The following NPAS3 variants were observed in gnomAD, a reference collection of about 807,000 sequenced individuals.
NPAS3 encodes neuronal PAS domain protein 3.
In NPAS3, 14 loss-of-function variants were observed where a neutral mutation model predicts 73.1. That is an observed-to-expected ratio of 0.19 (90% confidence interval 0.13 to 0.30). The LOEUF (loss-of-function observed/expected upper bound fraction) is 0.30. NPAS3 is among the 10% of genes least tolerant of loss of function. The probability of loss-of-function intolerance (pLI) is 1.00; values close to 1 mark genes in which losing one functional copy is unlikely to be tolerated. For synonymous variants in NPAS3, 620 were observed against 541.5 expected (o/e 1.14, Z -2.01); for missense variants, 1,096 against 1,250.0 (o/e 0.88, Z 1.86).
chr14:33,308,809 T>C (rs1205055115), intron 3 of NPAS3, among the ~76,000 whole-genome samples: 2 of 152,042 alleles, frequency 1.3e-5, no homozygotes, highest in Admixed American at 1.3e-4. Context: ...TTTAAAAAAA[T>C]TTTAAATAAA....
chr14:33,406,488 G>T (rs1290447763), intron 4 of NPAS3, among the ~76,000 whole-genome samples: 3 of 152,104 alleles, frequency 2.0e-5, no homozygotes, highest in African/African-American at 4.8e-5. Flanking sequence ...GATGGCATGT[G>T]TTTTATCTGT....
intron 1 of NPAS3, among the ~76,000 whole-genome samples, chr14:33,022,118 C>A (rs2039619832): frequency 6.6e-6 from 1 of 152,150 alleles, no homozygotes. Flanking sequence ...GCATGTTGAA[C>A]CATGTCAGAG....
chr14:33,299,791 G>A (rs957922969), intron 3 of NPAS3, among the ~76,000 whole-genome samples: 23 of 151,990 alleles, frequency 1.5e-4, no homozygotes, highest in African/African-American at 5.1e-4. Flanking sequence ...TAACATTAAG[G>A]TTTAGAAAAA....
chr14:33,361,638 A>C lies in NPAS3; in HGVS notation c.386-5548A>C, dbSNP rs77080478. Among the ~76,000 whole-genome samples, 533 of 152,334 alleles carry C rather than the reference A, an allele frequency of 3.5e-3. 6 individuals carry two copies. Among genetic ancestry groups the C allele is most frequent in the African/African-American group, 0.012 (513 of 41,588 alleles). ...TATTTAAATATGTATTGCATCAAAA[A>C]ATTTTGGATCATCGTTAAGACTTCT... is the stretch of plus-strand genomic sequence containing the variant. On this transcript the variant is annotated intron_variant, in intron 3 of 11. Transcript: ENST00000356141.
intron 2 of NPAS3, among the ~76,000 whole-genome samples, chr14:33,088,657 T>C (rs2042116733): frequency 6.6e-6 from 1 of 152,150 alleles, no homozygotes; most frequent in Non-Finnish European, 1.5e-5. Flanking sequence ...TGTCCCTGTG[T>C]GACAGCTTTG....
chr14:33,793,828 TA>T (rs36025922), intron 9 of NPAS3, 68 bp from the exon 10 acceptor site: 71,768 of 1,293,276 alleles, frequency 0.055, 6 homozygotes, highest in East Asian at 0.066. Flanking sequence ...TTTGCAGAGA[TA>T]AAAAAAAAAA....
At chr14:33,679,194 G>A (rs1318723055) in intron 6 of NPAS3, among the ~76,000 whole-genome samples, 1 of 152,188 alleles carries the variant, frequency 6.6e-6, no homozygotes, top group African/African-American at 2.4e-5. Context: ...CTTCCTTGAT[G>A]GTGAATGTGA....
Position 33,017,803 on chromosome 14 carries a change from A to C in NPAS3, c.51-38102A>C, listed in dbSNP as rs964759053. ...ACTAAGTGTTTTATATGTGAAAAAAACTAAGCCTTAGAGAGATTAAATAGC... is the reference window on the plus strand; with the variant it reads ...ACTAAGTGTTTTATATGTGAAAAAACCTAAGCCTTAGAGAGATTAAATAGC... On this transcript the variant is annotated intron_variant, in intron 1 of 11. Transcript: ENST00000356141. Among the ~76,000 whole-genome samples the C allele has an allele frequency of 3.1e-3, 478 of 152,324 alleles. 1 individual carries two copies. The highest frequency in any genetic ancestry group is 5.3e-3 in the Non-Finnish European group (358 of 68,020).
chr14:33,133,455 T>C (rs1013253158), intron 2 of NPAS3, among the ~76,000 whole-genome samples: 6 of 152,318 alleles, frequency 3.9e-5, no homozygotes, highest in Non-Finnish European at 8.8e-5. Flanking sequence ...ATTCTGTTCA[T>C]AGTCATAAGT....
At chr14:33,423,185 C>T (rs941389793) in intron 4 of NPAS3, among the ~76,000 whole-genome samples, 1 of 152,000 alleles carries the variant, frequency 6.6e-6, no homozygotes, top group Non-Finnish European at 1.5e-5. Context: ...AAGTCTAGAA[C>T]TACAATTTCA....
chr14:33,470,492 G>C (rs776216390), intron 4 of NPAS3, among the ~76,000 whole-genome samples: 11 of 152,242 alleles, frequency 7.2e-5, no homozygotes, highest in Middle Eastern at 3.4e-3. Flanking sequence ...AAAGAATCAA[G>C]TTTTGCTGGA....
chr14:33,079,827 G>T (rs1392548989), intron 2 of NPAS3, among the ~76,000 whole-genome samples: 2 of 151,602 alleles, frequency 1.3e-5, no homozygotes, highest in Non-Finnish European at 2.9e-5. Context: ...GGCCAGGCTG[G>T]TCTCAAATTC....
chr14:33,032,701 C>G (rs2040035186), intron 1 of NPAS3, among the ~76,000 whole-genome samples: 1 of 152,214 alleles, frequency 6.6e-6, no homozygotes, highest in African/African-American at 2.4e-5. Flanking sequence ...TCCAGTGGTC[C>G]ACAGTGGTAG....
At chr14:33,638,355 A>C (rs1453541265) in intron 5 of NPAS3, among the ~76,000 whole-genome samples, 1 of 152,228 alleles carries the variant, frequency 6.6e-6, no homozygotes, top group East Asian at 1.9e-4. Context: ...TGCAGGCAGC[A>C]TGAAAGCAGG....
At chr14:33,609,027 T>G (rs1283172247) in intron 5 of NPAS3, among the ~76,000 whole-genome samples, 4 of 152,198 alleles carry the variant, frequency 2.6e-5, no homozygotes, top group Admixed American at 2.0e-4. Flanking sequence ...AGTGGGAATA[T>G]TTTTTAAATG....
chr14:33,115,143 G>A (rs573614742), intron 2 of NPAS3, among the ~76,000 whole-genome samples: 4 of 152,248 alleles, frequency 2.6e-5, no homozygotes, highest in East Asian at 1.9e-4. Context: ...AGCATAGTAA[G>A]GAAAAGGTTA....
chr14:33,604,319 GA>G (rs144478827), intron 5 of NPAS3, among the ~76,000 whole-genome samples: 1 of 151,842 alleles, frequency 6.6e-6, no homozygotes, highest in Non-Finnish European at 1.5e-5. Flanking sequence ...GTAAATATAT[GA>G]AAAAAACTGT....
intron 3 of NPAS3, among the ~76,000 whole-genome samples, chr14:33,319,383 C>A (rs78696827): frequency 9.3e-4 from 142 of 151,998 alleles, no homozygotes; most frequent in Middle Eastern, 3.4e-3. Context: ...ATCCTTAGAC[C>A]GCCAGATATT....
chr14:33,754,400 G>T (rs544560125), intron 7 of NPAS3, among the ~76,000 whole-genome samples: 8 of 152,230 alleles, frequency 5.3e-5, no homozygotes, highest in Non-Finnish European at 1.2e-4. Context: ...CTACTAGGGA[G>T]GCCAAGGAAG....
Sources: gnomAD v4.1 joint callset for allele counts (sites outside exome capture counted in the v4.1 genomes callset) on GRCh38, gnomAD v4.1.1 for gene constraint, MANE v1.5 for transcripts, NCBI Gene and HGNC (gene_info 2026-07-23, HGNC 2026-07-21) for gene names.